The following DENND1A variants were observed in gnomAD, a reference collection of about 807,000 sequenced individuals.
DENND1A encodes DENN domain containing 1A.
Under a neutral mutation model 113.7 loss-of-function variants are expected in DENND1A, and 51 were observed. That is an observed-to-expected ratio of 0.45 (90% CI 0.36 to 0.57). The LOEUF (loss-of-function observed/expected upper bound fraction) is 0.57, where lower values mean the gene tolerates loss of function less well. Among genes scored for constraint, DENND1A ranks in the 20% least tolerant of loss-of-function variants. DENND1A has a pLI of 0.00. For missense variants in DENND1A, 1,258 were observed against 1,395.9 expected (o/e 0.90, Z 1.57); for synonymous variants, 565 against 570.8 (o/e 0.99, Z 0.14).
chr9:123,420,190 C>T (rs968051082), intron 19 of DENND1A, among the ~76,000 whole-genome samples: 24 of 152,202 alleles, frequency 1.6e-4, no homozygotes, highest in African/African-American at 4.6e-4. Flanking sequence ...GGAAGGGAGG[C>T]TGGGAGGGGC....
intron 2 of DENND1A, among the ~76,000 whole-genome samples, chr9:123,869,277 T>C (rs954629272): frequency 7.9e-5 from 12 of 152,360 alleles, no homozygotes; most frequent in African/African-American, 1.9e-4. Flanking sequence ...TACCAAAGCA[T>C]ACAAGTGCAA....
At chr9:123,850,864 G>C (rs1843241366) in intron 2 of DENND1A, among the ~76,000 whole-genome samples, 1 of 151,986 alleles carries the variant, frequency 6.6e-6, no homozygotes, top group South Asian at 2.1e-4. Context: ...TAGTATTTAA[G>C]TCCCAAATGA....
intron 2 of DENND1A, among the ~76,000 whole-genome samples, chr9:123,816,439 G>A (rs1354620263): frequency 2.0e-5 from 3 of 152,156 alleles, no homozygotes; most frequent in Non-Finnish European, 4.4e-5. Context: ...ACAATAAAAT[G>A]GGTGATATAG....
At chr9:123,927,267 A>G (rs565674516) in intron 1 of DENND1A, among the ~76,000 whole-genome samples, 6 of 152,344 alleles carry the variant, frequency 3.9e-5, no homozygotes, top group African/African-American at 1.4e-4. Flanking sequence ...AACAGACACC[A>G]GCTTCACAAT....
intron 5 of DENND1A, among the ~76,000 whole-genome samples, chr9:123,690,756 G>T (rs1315049794): frequency 6.6e-6 from 1 of 152,240 alleles, no homozygotes; most frequent in Non-Finnish European, 1.5e-5. Flanking sequence ...TTGCCGAAGG[G>T]CTAGGGAGGT....
intron 3 of DENND1A, 68 bp from the exon 4 acceptor site, chr9:123,769,631 C>A: frequency 7.4e-7 from 1 of 1,357,346 alleles, no homozygotes; most frequent in Non-Finnish European, 1.0e-6. Context: ...AACCACAGCA[C>A]ACAATCTAGC....
chr9:123,776,528 T>TTA (rs1830502503), intron 3 of DENND1A, among the ~76,000 whole-genome samples: 7 of 152,336 alleles, frequency 4.6e-5, no homozygotes, highest in Non-Finnish European at 1.0e-4. Flanking sequence ...AAAAATAGAT[T>TTA]CAAATGTGTA....
At position 123,779,872 on chromosome 9, in the gene DENND1A, C is replaced by CTTTTTTTTTTTTTTTT. The variant is rs72419269; in HGVS notation, c.133-10310_133-10309insAAAAAAAAAAAAAAAA. On this transcript the variant is annotated intron_variant, in intron 3 of 23. Coordinates refer to ENST00000394215, the MANE Select transcript of DENND1A (RefSeq NM_001352964.2). ...CCTTTCACATTCCACTTGCATGAGA[C>CTTTTTTTTTTTTTTTT]TTTTTTTTGAGACGGAGTCTCGCTC... is the stretch of plus-strand genomic sequence containing the variant. 4.8e-4 allele frequency among the ~76,000 whole-genome samples: 69 copies of CTTTTTTTTTTTTTTTT among 143,916 alleles called. 2 individuals are homozygous for CTTTTTTTTTTTTTTTT. The highest frequency in any genetic ancestry group is 1.5e-3 in the African/African-American group (55 of 36,038). The allele number at this position is 143,916 out of a possible 152,430, so 94.4% of individuals were successfully genotyped here.
At chr9:123,669,833 T>C (rs2063677097) in intron 7 of DENND1A, among the ~76,000 whole-genome samples, 1 of 152,226 alleles carries the variant, frequency 6.6e-6, no homozygotes, top group South Asian at 2.1e-4. Context: ...TATGCTCTAT[T>C]AAAATGGGCA....
intron 2 of DENND1A, among the ~76,000 whole-genome samples, chr9:123,875,367 T>C (rs1002710645): frequency 3.3e-5 from 5 of 152,178 alleles, no homozygotes; most frequent in African/African-American, 1.2e-4. Flanking sequence ...CTACAGACCA[T>C]ACATCTGAAT....
At chr9:123,653,068 C>T (rs1234289969) in intron 8 of DENND1A, among the ~76,000 whole-genome samples, 2 of 152,136 alleles carry the variant, frequency 1.3e-5, no homozygotes, top group East Asian at 3.8e-4. Context: ...TATTGCCAGG[C>T]GTTGCAGTTT....
At chr9:123,504,362 A>G (rs1335638603) in intron 13 of DENND1A, among the ~76,000 whole-genome samples, 1 of 152,202 alleles carries the variant, frequency 6.6e-6, no homozygotes, top group Non-Finnish European at 1.5e-5. Flanking sequence ...AGCTCCTGGA[A>G]GGCAGGACCA....
intron 2 of DENND1A, among the ~76,000 whole-genome samples, chr9:123,801,069 G>A (rs1214168726): frequency 6.6e-6 from 1 of 152,174 alleles, no homozygotes. Flanking sequence ...ACTCCACCCT[G>A]CTTCCAGGGA....
intron 2 of DENND1A, among the ~76,000 whole-genome samples, chr9:123,859,203 A>C (rs1291748005): frequency 6.6e-6 from 1 of 152,208 alleles, no homozygotes; most frequent in African/African-American, 2.4e-5. Context: ...TATGCTAACA[A>C]AATAGGCTTA....
In DENND1A at chr9:123,382,011, G is replaced by A; in HGVS notation, c.2634C>T (p.Phe878=). The change falls in exon 24 of 24, where the codon TTC becomes TTT. Residue 878 remains phenylalanine (F), a synonymous_variant. Coordinates refer to ENST00000394215, the MANE Select transcript of DENND1A (RefSeq NM_001352964.2). Reference sequence around the variant, plus strand: ...ATGGGGTGGGTGTCCCTGCAGGGGGGAAGCTGAATTGGGGGGTGAATGGGG... The same window carrying A: ...ATGGGGTGGGTGTCCCTGCAGGGGGAAAGCTGAATTGGGGGGTGAATGGGG... The part of the protein sequence containing the change: ...VATPFTPQFS[F]PPAGTPTPFP... The A allele has an allele frequency of 7.3e-7, 1 of 1,376,734 alleles. No individual in the cohort carries two copies. Among genetic ancestry groups the A allele is most frequent in the Non-Finnish European group, 9.5e-7 (1 of 1,054,694 alleles). The allele number at this position is 1,376,734 out of a possible 1,614,324, so 85.3% of individuals were successfully genotyped here.
chr9:123,726,166 A>G (rs1315125064), intron 5 of DENND1A, among the ~76,000 whole-genome samples: 2 of 152,342 alleles, frequency 1.3e-5, no homozygotes, highest in South Asian at 2.1e-4. Flanking sequence ...ATTTTTAATA[A>G]TGGGCAACCT....
chr9:123,806,439 T>G (rs1288512523), intron 2 of DENND1A, among the ~76,000 whole-genome samples: 1 of 152,090 alleles, frequency 6.6e-6, no homozygotes, highest in East Asian at 1.9e-4. Context: ...GCATTTTTAG[T>G]AGAGACGGGG....
intron 3 of DENND1A, among the ~76,000 whole-genome samples, chr9:123,790,195 A>G (rs1832795983): frequency 6.6e-6 from 1 of 152,176 alleles, no homozygotes; most frequent in Admixed American, 6.6e-5. Flanking sequence ...GTAGGAAAAG[A>G]TAATTTAACA....
At chr9:123,785,868 C>A (rs1329321071) in intron 3 of DENND1A, among the ~76,000 whole-genome samples, 1 of 152,142 alleles carries the variant, frequency 6.6e-6, no homozygotes, top group Non-Finnish European at 1.5e-5. Flanking sequence ...GGAAAGTGAG[C>A]CTTTTGGGCA....
Sources: gnomAD v4.1 joint callset for allele counts (sites outside exome capture counted in the v4.1 genomes callset) on GRCh38, gnomAD v4.1.1 for gene constraint, MANE v1.5 for transcripts, NCBI Gene and HGNC (gene_info 2026-07-23, HGNC 2026-07-21) for gene names.